Variants in SLC44A2 observed in about 807,000 individuals in gnomAD.
SLC44A2 encodes choline transporter-like protein 2.
SLC44A2 carries 57 observed loss-of-function variants against 90.8 expected under a neutral mutation model. The ratio of observed to expected loss-of-function variants is 0.63; its 90% CI spans 0.51 to 0.78. The LOEUF (loss-of-function observed/expected upper bound fraction) is 0.78. SLC44A2 is among the 30% of genes least tolerant of loss of function. The pLI is 0.00. For missense variants in SLC44A2, 794 were observed against 919.7 expected (o/e 0.86, Z 1.77); for synonymous variants, 355 against 360.7 (o/e 0.98, Z 0.18).
At chr19:10,642,537 C>G (rs955685593) in intron 21 of SLC44A2, 86 bp downstream of exon 21, 1 of 1,259,084 alleles carries the variant, frequency 7.9e-7, no homozygotes, top group Middle Eastern at 1.9e-4. Context: ...CGGGGCAACA[C>G]GCTTGCCTGC....
upstream of SLC44A2, chr19:10,625,415 G>A: frequency 8.5e-7 from 1 of 1,174,784 alleles, no homozygotes; most frequent in African/African-American, 1.6e-5. Flanking sequence ...GCCGGTGAGT[G>A]GCGGGAGCAG....
At chr19:10,603,224 C>T (rs1918010934) in intron 1 of SLC44A2, among the ~76,000 whole-genome samples, 1 of 152,206 alleles carries the variant, frequency 6.6e-6, no homozygotes, top group Admixed American at 6.5e-5. Context: ...CCTCTTGGGG[C>T]GACCTCAGGC....
chr19:10,603,509 G>A (rs550289953), intron 1 of SLC44A2, among the ~76,000 whole-genome samples: 31 of 152,290 alleles, frequency 2.0e-4, no homozygotes, highest in Middle Eastern at 3.4e-3. Context: ...GAAACGGCTC[G>A]AAAATATTCA....
chr19:10,616,691 C>T (rs991630090), intron 1 of SLC44A2, among the ~76,000 whole-genome samples: 23 of 151,898 alleles, frequency 1.5e-4, no homozygotes, highest in Non-Finnish European at 2.5e-4. Flanking sequence ...ATGGTGAAAC[C>T]CTGTCTCTAC....
intron 1 of SLC44A2, among the ~76,000 whole-genome samples, chr19:10,605,089 A>G (rs895069863): frequency 2.1e-4 from 32 of 152,170 alleles, no homozygotes; most frequent in Non-Finnish European, 8.8e-5. Context: ...GCTTATTTAA[A>G]AAACGGACTC....
intron 1 of SLC44A2, among the ~76,000 whole-genome samples, chr19:10,603,460 T>C (rs1209042409): frequency 6.6e-6 from 1 of 152,154 alleles, no homozygotes; most frequent in Non-Finnish European, 1.5e-5. Flanking sequence ...AAGAACTTCC[T>C]GGAAACTGTG....
At chr19:10,604,588 G>A (rs1016440820) in intron 1 of SLC44A2, among the ~76,000 whole-genome samples, 2 of 152,110 alleles carry the variant, frequency 1.3e-5, no homozygotes, top group Non-Finnish European at 2.9e-5. Context: ...TTTAGGGGCT[G>A]ACATCAGACA....
chr19:10,639,035 G>T (rs1164622692), intron 20 of SLC44A2, among the ~76,000 whole-genome samples: 1 of 152,088 alleles, frequency 6.6e-6, no homozygotes. Context: ...CCGACCTCAG[G>T]TGATCCACCC....
At chr19:10,636,298 C>T (rs183629776) in intron 14 of SLC44A2, 25 bp from the exon 15 acceptor site, 2 of 1,591,052 alleles carry the variant, frequency 1.3e-6, no homozygotes, top group African/African-American at 2.7e-5. Context: ...TCTTTTTGGA[C>T]TCGGTTCTCC....
In SLC44A2 at chr19:10,631,852, G is replaced by C. The variant is rs755577056; in HGVS notation, c.627-16G>C. 9.9e-6 allele frequency: 16 copies of C among 1,614,242 alleles called. No individual in the cohort carries two copies. In the South Asian group the frequency reaches 1.3e-4, roughly 13 times the overall value. ...TGGAAGAGGGTCTGACCCGAGCCTT[G>C]TCCTCCTTCCCCCAGGAAAGCCAAT... On this transcript the variant is annotated splice_polypyrimidine_tract_variant and intron_variant, in intron 8 of 21. Transcript: ENST00000335757.
rs2066923782 is a variant in SLC44A2, at chr19:10,625,593, G to C, written c.-41G>C. ...ACTCGGGAGGGTCGAGGGGGCGCGG[G>C]AGAGAGCGCGGGCGGCCGCCGGGGC... On this transcript the variant is annotated 5_prime_UTR_variant, in exon 1 of 22. Transcript: ENST00000335757. 1.6e-6 allele frequency: 2 copies of C among 1,240,690 alleles called. No homozygotes were observed. Among genetic ancestry groups the C allele is most frequent in the Non-Finnish European group, 2.0e-6 (2 of 989,156 alleles). 76.9% of individuals were successfully genotyped at this position (1,240,690 alleles called of 1,614,324 possible).
Position 10,631,496 on chromosome 19 carries a change from G to A in SLC44A2, c.463G>A (p.Asp155Asn), listed in dbSNP as rs2066993968. The change falls in exon 7 of 22, where the codon GAT becomes AAT. Residue 155 changes from aspartate (D) to asparagine (N), a missense_variant. Asp to Asn is a conservative substitution (Grantham distance 23, BLOSUM62 1). Around this residue, in one of 3 missense-constraint regions of SLC44A2, gnomAD observed 738 missense variants for 841.1 expected, o/e 0.88. Transcript: ENST00000335757. ...GCAGGGAGTGGCTGAGGTGCTTCAA[G>A]ATGGTGACTGCCCTGCTGTCCTCAT... ...NNKGVAEVLQ[D>N]GDCPAVLIPS... is the part of the protein sequence containing the mutation. 6.2e-7 allele frequency: 1 copy of A among 1,613,934 alleles called. No individual in the cohort carries two copies. Among genetic ancestry groups the A allele is most frequent in the Admixed American group, 1.7e-5 (1 of 59,970 alleles).
intron 1 of SLC44A2, among the ~76,000 whole-genome samples, chr19:10,614,218 C>T (rs1194682032): frequency 2.6e-5 from 4 of 152,054 alleles, no homozygotes; most frequent in Admixed American, 2.6e-4. Flanking sequence ...CCACCTGCCT[C>T]GGCCTCCCAA....
At chr19:10,606,037 C>A (rs1918095190) in intron 1 of SLC44A2, among the ~76,000 whole-genome samples, 1 of 151,974 alleles carries the variant, frequency 6.6e-6, no homozygotes, top group African/African-American at 2.4e-5. Context: ...GTCGCTGATG[C>A]CTATAATTCC....
chr19:10,614,252 C>CCACCG (rs2144815038), intron 1 of SLC44A2, among the ~76,000 whole-genome samples: 1 of 152,176 alleles, frequency 6.6e-6, no homozygotes, highest in African/African-American at 2.4e-5. Flanking sequence ...CAGGCATGAG[C>CCACCG]CACCGCACCC....
At chr19:10,636,222 G>A in intron 14 of SLC44A2, 101 bp from the exon 15 acceptor site, 3 of 1,376,134 alleles carry the variant, frequency 2.2e-6, no homozygotes, top group Non-Finnish European at 3.0e-6. Flanking sequence ...TATGTCTCCT[G>A]TCCTACCTCA....
At chr19:10,631,795 G>C (rs376887240) in intron 8 of SLC44A2, 46 bp downstream of exon 8, 318 of 1,613,946 alleles carry the variant, frequency 2.0e-4, no homozygotes, top group Non-Finnish European at 2.6e-4. Context: ...TTGCTGGGTG[G>C]GACAGGCAAT....
In SLC44A2 at chr19:10,628,126, C is replaced by T. The variant is rs147837080; in HGVS notation, c.245+122C>T. 361 of 874,450 alleles carry T rather than the reference C, an allele frequency of 4.1e-4. No homozygotes were observed. The African/African-American group carries it at 5.2e-3, about 12-fold the overall frequency. 54.2% of individuals were successfully genotyped at this position (874,450 alleles called of 1,614,324 possible). A position where few individuals can be genotyped will look rare whatever the true frequency, so the allele number is the denominator to read the frequency against. On this transcript the variant is annotated intron_variant, in intron 4 of 21. Coordinates refer to ENST00000335757, the MANE Select transcript of SLC44A2 (RefSeq NM_020428.4). ...TAGGCTGGGCGCGGTGACTCACGCC[C>T]GAAATTCCAACACTTTGGGAGGCCG...
chr19:10,642,643 TC>T (rs2067129583), intron 21 of SLC44A2, among the ~76,000 whole-genome samples, 192 bp downstream of exon 21: 1 of 152,106 alleles, frequency 6.6e-6, no homozygotes, highest in African/African-American at 2.4e-5. Flanking sequence ...CGACCTCCTG[TC>T]CACTGGCCCA....
Sources: gnomAD v4.1 joint callset for allele counts (sites outside exome capture counted in the v4.1 genomes callset) on GRCh38, gnomAD v4.1.1 for gene constraint, gnomAD v4.1.1 regional missense constraint, MANE v1.5 for transcripts, NCBI Gene and HGNC (gene_info 2026-07-23, HGNC 2026-07-21) for gene names.